Variants in ACSL3 observed in about 807,000 individuals in gnomAD.
ACSL3 encodes the protein acyl-CoA synthetase long chain family member 3.
Under a neutral mutation model 84.7 loss-of-function variants are expected in ACSL3, and 34 were observed. The observed-to-expected ratio is 0.40, with a 90% CI of 0.31 to 0.53. The LOEUF (loss-of-function observed/expected upper bound fraction) is 0.53. Ranked by LOEUF, ACSL3 falls within the 20% of genes least tolerant of loss-of-function variation. The pLI, the probability that ACSL3 is intolerant of heterozygous loss-of-function variation, is 0.48. For missense variants in ACSL3, 680 were observed against 873.1 expected (o/e 0.78, Z 2.79); for synonymous variants, 315 against 299.4 (o/e 1.05, Z -0.54).
intron 1 of ACSL3, among the ~76,000 whole-genome samples, chr2:222,863,555 A>AG (rs1444671367): frequency 3.9e-5 from 6 of 152,206 alleles, no homozygotes; most frequent in Non-Finnish European, 8.8e-5. Flanking sequence ...ATGAACTGTA[A>AG]GGGGGAGTAA....
At chr2:222,937,002 C>T (rs1018595684) in intron 16 of ACSL3, among the ~76,000 whole-genome samples, 3 of 152,058 alleles carry the variant, frequency 2.0e-5, no homozygotes, top group Admixed American at 6.6e-5. Context: ...CTTGACATGT[C>T]GGGATTATGG....
At position 222,909,006 on chromosome 2, in the gene ACSL3, T is replaced by G. The variant is rs746187308; in HGVS notation, c.234T>G (p.Ala78=). The G allele has an allele frequency of 3.1e-6, 5 of 1,613,734 alleles. No homozygotes were observed. The highest frequency in any genetic ancestry group is 3.3e-5 in the Admixed American group (2 of 59,968). The change falls in exon 4 of 17, where the codon GCT becomes GCG. Residue 78 remains alanine, a synonymous_variant. Transcript: ENST00000357430. The stretch of plus-strand genomic sequence containing the variant: ...CTGTTAATAGTTTGGATGGTTTGGC[T>G]TCAGTATTATACCCTGGATGTGATA... ...YRSVNSLDGL[A]SVLYPGCDTL... is the part of the protein sequence containing the mutation.
intron 4 of ACSL3, chr2:222,909,591 A>G (rs1244200345): frequency 6.4e-6 from 1 of 156,048 alleles, no homozygotes; most frequent in Non-Finnish European, 1.4e-5. Context: ...TTTCAGAAAT[A>G]TGGAGAAACC....
chr2:222,920,871 C>T (rs1433644744), intron 7 of ACSL3: 3 of 427,976 alleles, frequency 7.0e-6, no homozygotes, highest in African/African-American at 4.1e-5. Flanking sequence ...CACATTCCTA[C>T]CTTTGGGTCT....
Position 222,942,027 on chromosome 2 carries a change from A to G in ACSL3, c.*373A>G, listed in dbSNP as rs367982403. 49 of 226,436 alleles carry G rather than the reference A, an allele frequency of 2.2e-4. No individual in the cohort carries two copies. Among genetic ancestry groups the G allele is most frequent in the Non-Finnish European group, 4.2e-4 (48 of 113,866 alleles). The allele number at this position is 226,436 out of a possible 1,614,324, so 14.0% of individuals were successfully genotyped here. ...AGTTTGGATGTATAGAGGGATAAAT[A>G]GGAAATATAAGAATTGGTTATTTGG... On this transcript the variant is annotated 3_prime_UTR_variant, in exon 17 of 17. Transcript: ENST00000357430.
At chr2:222,933,117 A>G (rs1574567167) in intron 14 of ACSL3, 49 bp from the exon 15 acceptor site, 2 of 1,089,290 alleles carry the variant, frequency 1.8e-6, no homozygotes, top group Non-Finnish European at 1.4e-6. Flanking sequence ...AAATGTTACT[A>G]ATATTATTAC....
intron 4 of ACSL3, among the ~76,000 whole-genome samples, chr2:222,915,133 C>T: frequency 6.6e-6 from 1 of 152,124 alleles, no homozygotes; most frequent in East Asian, 1.9e-4. Flanking sequence ...TAATCCAGTT[C>T]CTGCACATTT....
rs376949522 is a variant in ACSL3 at position 222,864,627 on chromosome 2, A to G, written c.-207+3369A>G. ...ATGCTGATCTGCAGGTAGGGGTGGG[A>G]TGGGGAGCAGTGGGAGGTGAGGAAA... On this transcript the variant is annotated intron_variant, in intron 1 of 16. Transcript: ENST00000357430. Among the ~76,000 whole-genome samples the G allele has an allele frequency of 4.3e-4, 65 of 152,260 alleles. 1 individual carries two copies. Among genetic ancestry groups the G allele is most frequent in the Middle Eastern group, 6.8e-3 (2 of 294 alleles).
At chr2:222,889,911 T>C (rs557905491) in intron 2 of ACSL3, among the ~76,000 whole-genome samples, 2 of 152,350 alleles carry the variant, frequency 1.3e-5, no homozygotes, top group South Asian at 2.1e-4. Flanking sequence ...TTTTGAAATA[T>C]GTTGTTCAGG....
intron 16 of ACSL3, among the ~76,000 whole-genome samples, chr2:222,938,123 T>C (rs1230068462): frequency 1.3e-5 from 2 of 152,198 alleles, no homozygotes; most frequent in African/African-American, 4.8e-5. Flanking sequence ...TGTGTAGTCA[T>C]TAATATAGAT....
chr2:222,930,404 AG>A lies in ACSL3; in HGVS notation c.1541-216del, dbSNP rs142609387. On this transcript the variant is annotated intron_variant, in intron 13 of 16. Coordinates refer to ENST00000357430, the MANE Select transcript of ACSL3 (RefSeq NM_004457.5). ...GGTTTTAGAGTTTAATTTTTTTCTC[AG>A]AATAGAAGTTTGAAAACATAAATAC... Among the ~76,000 whole-genome samples, 1,002 of 152,294 alleles carry A rather than the reference AG, an allele frequency of 6.6e-3. 11 individuals carry two copies. The highest frequency in any genetic ancestry group is 0.023 in the African/African-American group (950 of 41,560).
In ACSL3 at chr2:222,904,702, CAT is replaced by C. The variant is rs1696248134; in HGVS notation, c.-41+3924_-41+3925del. 4 of 153,974 alleles carry C rather than the reference CAT, an allele frequency of 2.6e-5. No individual in the cohort carries two copies. The South Asian group carries it at 8.3e-4, about 32-fold the overall frequency. The allele number at this position is 153,974 out of a possible 1,614,324, so 9.5% of individuals were successfully genotyped here. A position where few individuals can be genotyped will look rare whatever the true frequency, so the allele number is the denominator to read the frequency against. ...AGTTTACCATCACTGCTGAAACACTCATAGAAGGTTCCAAATTCCTGGTCCAG... is the reference window on the plus strand; with the variant it reads ...AGTTTACCATCACTGCTGAAACACTCAGAAGGTTCCAAATTCCTGGTCCAG... On this transcript the variant is annotated intron_variant, in intron 3 of 16. Coordinates refer to ENST00000357430, the MANE Select transcript of ACSL3 (RefSeq NM_004457.5).
intron 1 of ACSL3, among the ~76,000 whole-genome samples, chr2:222,875,306 C>T (rs561491161): frequency 4.6e-5 from 7 of 151,846 alleles, no homozygotes; most frequent in South Asian, 4.2e-4. Context: ...AGATTGGGGA[C>T]GGAAGGAATG....
intron 2 of ACSL3, among the ~76,000 whole-genome samples, chr2:222,892,508 A>G (rs1025893773): frequency 3.3e-5 from 5 of 152,286 alleles, no homozygotes; most frequent in Admixed American, 6.5e-5. Context: ...TGGGTAGGAA[A>G]TAGTTCTTTC....
rs1372065624 is a variant in ACSL3 at position 222,933,191 on chromosome 2, A to G, written c.1758A>G (p.Leu586=). Residue 586 remains leucine (L), a synonymous_variant, in exon 15 of 17, where the codon CTA becomes CTG. Coordinates refer to ENST00000357430, the MANE Select transcript of ACSL3 (RefSeq NM_004457.5). The part of the protein sequence containing the change: ...IIDRKKDLVK[L]QAGEYVSLGK... ...ATCGTAAAAAGGACCTTGTAAAACT[A>G]CAGGCAGGGGAATATGTTTCTCTTG... The G allele has an allele frequency of 3.7e-6, 6 of 1,613,602 alleles. No homozygotes were observed. The highest frequency in any genetic ancestry group is 4.5e-5 in the East Asian group (2 of 44,862).
chr2:222,922,582 C>A, intron 8 of ACSL3, 126 bp from the exon 9 acceptor site: 4 of 1,153,802 alleles, frequency 3.5e-6, no homozygotes, highest in Admixed American at 2.2e-5. Context: ...CAAACACATA[C>A]ACACTTGACC....
At chr2:222,886,041 C>G (rs565980500) in intron 1 of ACSL3, among the ~76,000 whole-genome samples, 49 of 151,714 alleles carry the variant, frequency 3.2e-4, no homozygotes, top group African/African-American at 1.1e-3. Context: ...CCATGCCTGA[C>G]TTTAAAAAAA....
At chr2:222,874,887 G>T (rs936356231) in intron 1 of ACSL3, among the ~76,000 whole-genome samples, 2 of 151,316 alleles carry the variant, frequency 1.3e-5, no homozygotes, top group Non-Finnish European at 2.9e-5. Context: ...TGGGAGGATT[G>T]CTTGAGGCCA....
intron 1 of ACSL3, among the ~76,000 whole-genome samples, chr2:222,862,495 T>G (rs10439277): frequency 0.37 from 56,163 of 151,810 alleles, 10,742 homozygotes; most frequent in Admixed American, 0.46. Flanking sequence ...TTCCCCAAAT[T>G]AGTTCTGAGA....
Sources: gnomAD v4.1 joint callset for allele counts (sites outside exome capture counted in the v4.1 genomes callset) on GRCh38, gnomAD v4.1.1 for gene constraint, MANE v1.5 for transcripts, NCBI Gene and HGNC (gene_info 2026-07-23, HGNC 2026-07-21) for gene names.